Variants in ZNF737 observed in about 807,000 individuals in gnomAD.
ZNF737 encodes the protein zinc finger protein 737.
In ZNF737, 13 loss-of-function variants were observed where a neutral mutation model predicts 11.7. That is an observed-to-expected ratio of 1.11 (90% confidence interval 0.73 to 1.77). The LOEUF is 1.77. Ranked by LOEUF, ZNF737 falls within the 40% of genes most tolerant of loss-of-function variation. The pLI, the probability that ZNF737 is intolerant of heterozygous loss-of-function variation, is 0.00. For missense variants in ZNF737, 636 were observed against 638.0 expected (o/e 1.00, Z 0.03); for synonymous variants, 217 against 216.2 (o/e 1.00, Z -0.03).
intron 3 of ZNF737, among the ~76,000 whole-genome samples, chr19:20,547,312 C>T (rs1298947022): frequency 2.1e-5 from 3 of 142,448 alleles, no homozygotes; most frequent in African/African-American, 7.9e-5. Flanking sequence ...ACCTGGGAGG[C>T]GGAGCTTGCA....
Position 20,543,502 on chromosome 19 carries a change from G to C in ZNF737, c.*1090C>G, listed in dbSNP as rs782658574. On this transcript the variant is annotated 3_prime_UTR_variant, in exon 4 of 4. Coordinates refer to ENST00000427401, the MANE Select transcript of ZNF737 (RefSeq NM_001159293.2). ...GATTTTTATGTTGAGTTAGATGTGA[G>C]TAGGAATTAATAGGTTTTCCATATT... 1 of 985,194 alleles carries C rather than the reference G, an allele frequency of 1.0e-6. No homozygotes were observed. The highest frequency in any genetic ancestry group is 4.7e-5 in the South Asian group (1 of 21,286). The allele number at this position is 985,194 out of a possible 1,614,324, so 61.0% of individuals were successfully genotyped here.
rs1968152364 is a variant in ZNF737, at chr19:20,540,370, T to TA, written c.*4221dup. 6.6e-6 allele frequency among the ~76,000 whole-genome samples: 1 copy of TA among 152,034 alleles called. No individual in the cohort carries two copies. The highest frequency in any genetic ancestry group is 1.9e-4 in the East Asian group (1 of 5,202). ...TCCCACCACAGTCACACATTTTTTT[T>TA]ACACTCAAGAGGAAAGTATGACACA... On this transcript the variant is annotated 3_prime_UTR_variant, in exon 4 of 4. Transcript: ENST00000427401.
In ZNF737 at chr19:20,565,494, G is replaced by GACT. The variant is rs1300912410; in HGVS notation, c.3+141_3+143dup. 123 of 1,424,398 alleles carry GACT rather than the reference G, an allele frequency of 8.6e-5. No homozygotes were observed. In the Middle Eastern group the frequency reaches 1.2e-3, roughly 14 times the overall value. The allele number at this position is 1,424,398 out of a possible 1,614,324, so 88.2% of individuals were successfully genotyped here. ...TAGCCGCCAAATTATGGCTGAACGG[G>GACT]ACTGAGGCCGAGCTGGGCAAGGAGA... On this transcript the variant is annotated intron_variant, in intron 1 of 3. Coordinates refer to ENST00000427401, the MANE Select transcript of ZNF737 (RefSeq NM_001159293.2).
downstream of ZNF737, among the ~76,000 whole-genome samples, chr19:20,531,505 G>A (rs112041043): frequency 9.4e-5 from 14 of 149,570 alleles, no homozygotes; most frequent in African/African-American, 3.5e-4. Context: ...TGCTTAGGAC[G>A]GAGTGTATAG....
chr19:20,562,013 T>G (rs1363333990), intron 1 of ZNF737, among the ~76,000 whole-genome samples: 1 of 152,174 alleles, frequency 6.6e-6, no homozygotes. Context: ...TGGAAAATAT[T>G]TGTGATTAAT....
At chr19:20,561,017 G>A (rs781837367) in intron 1 of ZNF737, among the ~76,000 whole-genome samples, 32 of 152,152 alleles carry the variant, frequency 2.1e-4, no homozygotes, top group Non-Finnish European at 3.8e-4. Context: ...AAACCCCCAT[G>A]CACCAAAACA....
In ZNF737 at chr19:20,543,206, A is replaced by G. The variant is rs984346965; in HGVS notation, c.*1386T>C. On this transcript the variant is annotated 3_prime_UTR_variant, in exon 4 of 4. Transcript: ENST00000427401. ...GTTTTCTAAGCTGTAGTTTCTGGGGAAAAAAAAGTGTTTCTAAACTTAATA... is the reference window on the plus strand; with the variant it reads ...GTTTTCTAAGCTGTAGTTTCTGGGGGAAAAAAAGTGTTTCTAAACTTAATA... The G allele has an allele frequency of 3.8e-5, 37 of 981,420 alleles. No individual in the cohort carries two copies. Among genetic ancestry groups the G allele is most frequent in the African/African-American group, 1.2e-4 (7 of 56,036 alleles). The allele number at this position is 981,420 out of a possible 1,614,324, so 60.8% of individuals were successfully genotyped here. A position where few individuals can be genotyped will look rare whatever the true frequency, so the allele number is the denominator to read the frequency against.
At chr19:20,531,097 G>A (rs1261688894), downstream of ZNF737, among the ~76,000 whole-genome samples, 39 of 146,478 alleles carry the variant, frequency 2.7e-4, 2 homozygotes, top group Middle Eastern at 3.6e-3. Flanking sequence ...GCGTGGCGGC[G>A]CGCGCCTGCA....
intron 3 of ZNF737, among the ~76,000 whole-genome samples, chr19:20,548,325 C>T (rs1000966429): frequency 1.3e-5 from 2 of 152,140 alleles, no homozygotes; most frequent in East Asian, 1.9e-4. Context: ...AGTATTATTC[C>T]ACCTTAGAAA....
Position 20,545,679 on chromosome 19 carries a change from C to T in ZNF737, c.524G>A (p.Cys175Tyr), listed in dbSNP as rs1568427674. ...IRHTGKKPFKCIECGKAFNQS... is the reference protein window; with the variant it reads ...IRHTGKKPFKYIECGKAFNQS... Reference sequence around the variant, plus strand: ...GTTAAAAGCTTTGCCACATTCTATACATTTGAAAGGTTTTTTTCCAGTATG... The same window carrying T: ...GTTAAAAGCTTTGCCACATTCTATATATTTGAAAGGTTTTTTTCCAGTATG... The change falls in exon 4 of 4, where the codon TGT becomes TAT. Residue 175 changes from cysteine (C) to tyrosine (Y), a missense_variant. Physicochemically the swap from Cys to Tyr is radical, Grantham distance 194. Transcript: ENST00000427401. 4 of 1,613,564 alleles carry T rather than the reference C, an allele frequency of 2.5e-6. No homozygotes were observed. Among genetic ancestry groups the T allele is most frequent in the South Asian group, 1.1e-5 (1 of 91,030 alleles).
intron 1 of ZNF737, among the ~76,000 whole-genome samples, chr19:20,557,585 A>G (rs138380329): frequency 6.6e-6 from 1 of 150,952 alleles, no homozygotes; most frequent in Non-Finnish European, 1.5e-5. Context: ...CTAATACGCA[A>G]TTTAAACAAA....
rs782543871 is a variant in ZNF737, at chr19:20,545,317, G to A, written c.886C>T (p.Arg296Cys). 1.7e-5 allele frequency: 27 copies of A among 1,591,476 alleles called. No individual in the cohort carries two copies. The highest frequency in any genetic ancestry group is 4.6e-5 in the East Asian group (2 of 43,514). ...KCEECGKAFKRSSILTAHKII... is the reference protein window; with the variant it reads ...KCEECGKAFKCSSILTAHKII... ...TTATGCGCAGTAAGGATAGAGGAGC[G>A]CTTAAAGGCCTTGCCACATTCTTCA... is the stretch of plus-strand genomic sequence containing the variant. The change falls in exon 4 of 4, where the codon CGC becomes TGC. Residue 296 changes from arginine (R) to cysteine (C), a missense_variant. Transcript: ENST00000427401.
At chr19:20,547,676 G>T (rs535787145) in intron 3 of ZNF737, among the ~76,000 whole-genome samples, 343 of 150,550 alleles carry the variant, frequency 2.3e-3, no homozygotes, top group Non-Finnish European at 3.9e-3. Context: ...AAAAGCATTT[G>T]AAAGAACATA....
At chr19:20,553,013 G>GAAAAAA (rs34125607) in intron 2 of ZNF737, among the ~76,000 whole-genome samples, 16 of 134,060 alleles carry the variant, frequency 1.2e-4, no homozygotes, top group Non-Finnish European at 2.6e-4. Flanking sequence ...CTCTGTCCCC[G>GAAAAAA]AAAAAAAAAA....
In ZNF737 at chr19:20,556,967, A is replaced by G. The variant is rs1297080223; in HGVS notation, c.4-3132T>C. Among the ~76,000 whole-genome samples, 10 of 152,236 alleles carry G rather than the reference A, an allele frequency of 6.6e-5. 1 individual carries two copies. Among genetic ancestry groups the G allele is most frequent in the Admixed American group, 6.5e-4 (10 of 15,272 alleles). On this transcript the variant is annotated intron_variant, in intron 1 of 3. Transcript: ENST00000427401. ...TTTAGTTAAAGGGCCCAGCATTTTT[A>G]TTTCTTCTTCTGTTTCTCTCTCATC...
rs1299870939 is a variant in ZNF737, at chr19:20,543,581, TG to T, written c.*1010del. ...ATACTAGCTTTTCTGTGAGATAAGGTGTAAGAACTGATTAAAAGTTTTGCCA... is the reference window on the plus strand; with the variant it reads ...ATACTAGCTTTTCTGTGAGATAAGGTTAAGAACTGATTAAAAGTTTTGCCA... On this transcript the variant is annotated 3_prime_UTR_variant, in exon 4 of 4. Coordinates refer to ENST00000427401, the MANE Select transcript of ZNF737 (RefSeq NM_001159293.2). 2.6e-5 allele frequency: 26 copies of T among 985,350 alleles called. No individual in the cohort carries two copies. Among genetic ancestry groups the T allele is most frequent in the Non-Finnish European group, 3.1e-5 (26 of 829,950 alleles). 61.0% of individuals were successfully genotyped at this position (985,350 alleles called of 1,614,324 possible). A position where few individuals can be genotyped will look rare whatever the true frequency, so the allele number is the denominator to read the frequency against.
Position 20,540,987 on chromosome 19 carries a change from G to GA in ZNF737, c.*3604dup. ...GTTCATTCAAATAAGTGTTAAAAAT[G>GA]ATTTTTTTTTCCTGTTTTAAGAGGG... On this transcript the variant is annotated 3_prime_UTR_variant, in exon 4 of 4. Coordinates refer to ENST00000427401, the MANE Select transcript of ZNF737 (RefSeq NM_001159293.2). The GA allele has an allele frequency of 1.2e-6, 1 of 868,900 alleles. No individual in the cohort carries two copies. 53.8% of individuals were successfully genotyped at this position (868,900 alleles called of 1,614,324 possible).
At chr19:20,534,762 C>T (rs1445785486), downstream of ZNF737, among the ~76,000 whole-genome samples, 2 of 149,890 alleles carry the variant, frequency 1.3e-5, no homozygotes, top group Non-Finnish European at 3.0e-5. Flanking sequence ...TCAGTAGCCT[C>T]TTTCATACAA....
At chr19:20,557,125 G>A (rs1012246064) in intron 1 of ZNF737, among the ~76,000 whole-genome samples, 2 of 152,114 alleles carry the variant, frequency 1.3e-5, no homozygotes, top group Non-Finnish European at 2.9e-5. Flanking sequence ...AGCAACTACT[G>A]GATCTGCAGG....
Sources: allele counts gnomAD v4.1 joint callset (sites outside exome capture counted in the v4.1 genomes callset), GRCh38; gene constraint gnomAD v4.1.1; transcripts MANE v1.5; gene names NCBI Gene and HGNC (gene_info 2026-07-23, HGNC 2026-07-21).